The following GPHN variants were observed in gnomAD, a reference collection of about 807,000 sequenced individuals.
GPHN encodes the protein gephyrin.
GPHN carries 17 observed loss-of-function variants against 95.5 expected under a neutral mutation model. The ratio of observed to expected loss-of-function variants is 0.18; its 90% confidence interval spans 0.12 to 0.27. GPHN has a LOEUF of 0.27. Ranked by LOEUF, GPHN falls within the 10% of genes least tolerant of loss-of-function variation. The probability of loss-of-function intolerance (pLI) is 1.00; values close to 1 mark genes in which losing one functional copy is unlikely to be tolerated. For synonymous variants in GPHN, 320 were observed against 322.5 expected, an observed-to-expected ratio of 0.99 and a Z score of 0.08; for missense variants, 660 against 978.1, an observed-to-expected ratio of 0.67 and a Z score of 4.34.
chr14:66,762,660 A>C (rs1188926412), intron 2 of GPHN, among the ~76,000 whole-genome samples: 1 of 152,122 alleles, frequency 6.6e-6, no homozygotes, highest in Non-Finnish European at 1.5e-5. Flanking sequence ...TCTGAACCTC[A>C]GGTATAGTGC....
In GPHN at chr14:66,711,572, G is replaced by A. The variant is rs371106485; in HGVS notation, c.143+30387G>A. Among the ~76,000 whole-genome samples, 58 of 148,434 alleles carry A rather than the reference G, an allele frequency of 3.9e-4. 1 individual carries two copies. In the East Asian group the frequency reaches 7.7e-3, roughly 20 times the overall value. On this transcript the variant is annotated intron_variant, in intron 2 of 22. Transcript: ENST00000478722. ...TAGATACCCAGTAGTGGGTTTGCTG[G>A]ATCAAATGGTAGTTCTTTTTTTTTT...
the GPHN span, among the ~76,000 whole-genome samples, chr14:67,213,880 G>A: frequency 6.6e-6 from 1 of 152,076 alleles, no homozygotes; most frequent in Non-Finnish European, 1.5e-5. Flanking sequence ...GATGGTATCT[G>A]ATTGTGGTTT....
At chr14:66,797,904 A>G (rs1348540025) in intron 3 of GPHN, among the ~76,000 whole-genome samples, 2 of 151,908 alleles carry the variant, frequency 1.3e-5, no homozygotes, top group Admixed American at 1.3e-4. Context: ...CTTCTACCAG[A>G]TCTTAGAGGA....
the GPHN span, chr14:67,383,464 T>G: frequency 1.2e-6 from 2 of 1,611,100 alleles, no homozygotes. Context: ...AGAGTCCAAT[T>G]TAAGGAACAC....
chr14:67,061,275 A>G (rs1447370927), intron 11 of GPHN, among the ~76,000 whole-genome samples: 2 of 152,132 alleles, frequency 1.3e-5, no homozygotes, highest in Non-Finnish European at 2.9e-5. Flanking sequence ...TCCCAGTCTC[A>G]GGTGATCCAC....
chr14:66,702,442 C>G lies in GPHN; in HGVS notation c.143+21257C>G, dbSNP rs113739152. ...AGATCAGAGATCCCAGAAGAAGGAG[C>G]AGGCACCCATCTTTGCTGTTCTCCA... On this transcript the variant is annotated intron_variant, in intron 2 of 22. Transcript: ENST00000478722. 3.7e-3 allele frequency among the ~76,000 whole-genome samples: 556 copies of G among 152,284 alleles called. 12 individuals carry two copies. The highest frequency in any genetic ancestry group is 0.013 in the African/African-American group (530 of 41,554).
chr14:67,715,917 C>T, the GPHN span, among the ~76,000 whole-genome samples: 2 of 152,076 alleles, frequency 1.3e-5, no homozygotes, highest in African/African-American at 4.8e-5. Context: ...GCCTAGAGGC[C>T]GGGGGCAGTG....
chr14:66,795,876 T>A (rs1164401232), intron 3 of GPHN, among the ~76,000 whole-genome samples: 1 of 152,124 alleles, frequency 6.6e-6, no homozygotes, highest in Non-Finnish European at 1.5e-5. Flanking sequence ...AATAGATAAT[T>A]AAGTTAATTT....
At chr14:67,417,702 G>T in the GPHN span, among the ~76,000 whole-genome samples, 1 of 151,836 alleles carries the variant, frequency 6.6e-6, no homozygotes, top group Admixed American at 6.6e-5. Context: ...AAGTGTTGGG[G>T]TTATAGGCAT....
At chr14:67,560,270 A>G in the GPHN span, among the ~76,000 whole-genome samples, 4 of 152,168 alleles carry the variant, frequency 2.6e-5, no homozygotes, top group East Asian at 5.8e-4. Flanking sequence ...CAGGTGATTC[A>G]CCCACCTCGG....
chr14:67,201,510 G>A, the GPHN span: 1 of 455,976 alleles, frequency 2.2e-6, no homozygotes, highest in African/African-American at 2.0e-5. Flanking sequence ...CATCCTGGTG[G>A]CTCTGTCTCC....
intron 9 of GPHN, chr14:66,969,347 A>G (rs1359680105): frequency 6.6e-6 from 1 of 152,228 alleles, no homozygotes; most frequent in Non-Finnish European, 1.5e-5. Context: ...AGTATAGACA[A>G]TATCTAGACT....
intron 1 of GPHN, chr14:66,509,461 C>CCGT (rs1238388531): frequency 1.3e-5 from 2 of 152,244 alleles, no homozygotes; most frequent in Non-Finnish European, 2.9e-5. Flanking sequence ...CGTGTGTGTT[C>CCGT]TGCATGTCTG....
In GPHN at chr14:66,586,547, A is replaced by T. The variant is rs186070636; in HGVS notation, c.64+77956A>T. Among the ~76,000 whole-genome samples, 193 of 152,246 alleles carry T rather than the reference A, an allele frequency of 1.3e-3. 1 individual carries two copies. Among genetic ancestry groups the T allele is most frequent in the Non-Finnish European group, 2.3e-3 (156 of 68,008 alleles). On this transcript the variant is annotated intron_variant, in intron 1 of 22. Transcript: ENST00000478722. ...GTACCAGTTGTTCCTTTCCATATTT[A>T]GTGCTTCCTTCAGGAGCTCTTGTAG...
rs143010421 is a variant in GPHN, at chr14:67,143,403, G to A, written c.1790G>A (p.Arg597His). 1.1e-5 allele frequency: 18 copies of A among 1,611,184 alleles called. No individual in the cohort carries two copies. The highest frequency in any genetic ancestry group is 1.1e-4 in the East Asian group (5 of 44,858). ...AATGCCTTGAATGAGGGTATCAGTC[G>A]TGCTGATGTCATCATCACATCAGGG... ...LLNALNEGIS[R>H]ADVIITSGGV... Residue 597 changes from arginine (R) to histidine (H), a missense_variant, in exon 18 of 23, where the codon CGT becomes CAT. Arg to His is a conservative substitution (Grantham distance 29). Transcript: ENST00000478722.
At chr14:67,268,358 A>T in the GPHN span, among the ~76,000 whole-genome samples, 5 of 152,352 alleles carry the variant, frequency 3.3e-5, no homozygotes, top group South Asian at 1.0e-3. Context: ...CCCGATCCAG[A>T]TCCCAGAGAG....
intron 21 of GPHN, among the ~76,000 whole-genome samples, chr14:67,177,834 G>A (rs1436431411): frequency 2.0e-5 from 3 of 152,064 alleles, no homozygotes; most frequent in Non-Finnish European, 4.4e-5. Context: ...ATTAAGTAAT[G>A]GCCTTCTTTG....
chr14:66,761,994 T>C (rs1409994085), intron 2 of GPHN, among the ~76,000 whole-genome samples: 1 of 152,164 alleles, frequency 6.6e-6, no homozygotes, highest in Non-Finnish European at 1.5e-5. Context: ...AGCCTAGCAA[T>C]GATGTAGAAG....
At chr14:66,763,682 A>G (rs998656843) in intron 2 of GPHN, among the ~76,000 whole-genome samples, 3 of 152,004 alleles carry the variant, frequency 2.0e-5, no homozygotes, top group Admixed American at 6.6e-5. Flanking sequence ...ATTAGGTATC[A>G]TGAGTAATCT....
Sources: gnomAD v4.1 joint callset for allele counts (sites outside exome capture counted in the v4.1 genomes callset) on GRCh38, gnomAD v4.1.1 for gene constraint, MANE v1.5 for transcripts, NCBI Gene and HGNC (gene_info 2026-07-23, HGNC 2026-07-21) for gene names.